The following SOHLH2 variants were observed in gnomAD, a reference collection of about 807,000 sequenced individuals.
The protein encoded by SOHLH2 is spermatogenesis and oogenesis specific basic helix-loop-helix 2, also known as spermatogenesis- and oogenesis-specific basic helix-loop-helix-containing protein 2.
Under a neutral mutation model 50.4 loss-of-function variants are expected in SOHLH2, and 22 were observed. The ratio of observed to expected loss-of-function variants is 0.44; its 90% CI spans 0.31 to 0.62. The LOEUF is 0.62. Among genes scored for constraint, SOHLH2 ranks in the 20% least tolerant of loss-of-function variants. The probability of loss-of-function intolerance (pLI) is 0.08; values close to 1 mark genes in which losing one functional copy is unlikely to be tolerated. For missense variants in SOHLH2, 412 were observed against 504.4 expected (o/e 0.82, Z 1.76); for synonymous variants, 185 against 187.3 (o/e 0.99, Z 0.10).
chr13:36,198,376 G>C (rs1348131133), intron 2 of SOHLH2, among the ~76,000 whole-genome samples: 2 of 152,150 alleles, frequency 1.3e-5, no homozygotes, highest in Admixed American at 6.5e-5. Flanking sequence ...TCTGCCCTTT[G>C]AGTATCCTCA....
At chr13:36,212,095 A>T (rs563909443) in intron 1 of SOHLH2, among the ~76,000 whole-genome samples, 28 of 152,178 alleles carry the variant, frequency 1.8e-4, no homozygotes, top group Non-Finnish European at 2.9e-4. Flanking sequence ...AAGAGTTATG[A>T]AGGGCAGAAC....
At chr13:36,201,335 C>A (rs946855453) in intron 2 of SOHLH2, among the ~76,000 whole-genome samples, 2 of 152,110 alleles carry the variant, frequency 1.3e-5, no homozygotes, top group Non-Finnish European at 2.9e-5. Context: ...GCATTGCATA[C>A]TAAATAAATT....
chr13:36,182,139 C>G (rs1887274309), intron 6 of SOHLH2: 2 of 985,280 alleles, frequency 2.0e-6, no homozygotes, highest in Non-Finnish European at 2.4e-6. Flanking sequence ...ACTTTATGTC[C>G]CTTTGATTGT....
At chr13:36,186,546 G>A (rs1014117138) in intron 6 of SOHLH2, among the ~76,000 whole-genome samples, 11 of 152,064 alleles carry the variant, frequency 7.2e-5, no homozygotes, top group African/African-American at 2.7e-4. Context: ...GTCTTCATTT[G>A]TGGGACACTA....
At chr13:36,173,653 G>A (rs1468720716) in intron 9 of SOHLH2, 39 bp downstream of exon 9, 2 of 1,610,216 alleles carry the variant, frequency 1.2e-6, no homozygotes, top group South Asian at 1.1e-5. Flanking sequence ...GGCAGGGCAG[G>A]TCCCCCTCTA....
chr13:36,177,341 G>A (rs1211113562), intron 6 of SOHLH2, among the ~76,000 whole-genome samples: 3 of 152,022 alleles, frequency 2.0e-5, no homozygotes, highest in African/African-American at 7.2e-5. Context: ...GAACACTTGG[G>A]CTGTTACCAG....
At chr13:36,198,022 T>C (rs1433115548) in intron 2 of SOHLH2, among the ~76,000 whole-genome samples, 2 of 152,252 alleles carry the variant, frequency 1.3e-5, no homozygotes, top group African/African-American at 2.4e-5. Flanking sequence ...AAGTCAAGGA[T>C]GTCTTGGAGA....
At chr13:36,186,118 C>A (rs780976917) in intron 6 of SOHLH2, among the ~76,000 whole-genome samples, 1 of 151,830 alleles carries the variant, frequency 6.6e-6, no homozygotes, top group East Asian at 1.9e-4. Flanking sequence ...ATTATCTACA[C>A]CTTAAGACAA....
At chr13:36,177,076 T>C (rs1887114343) in intron 6 of SOHLH2, among the ~76,000 whole-genome samples, 1 of 152,020 alleles carries the variant, frequency 6.6e-6, no homozygotes. Context: ...GTCAATACCA[T>C]CCCCTAACCC....
In SOHLH2 at chr13:36,168,481, G is replaced by A. The variant is rs1886879800; in HGVS notation, c.*553C>T. ...TTATTCATTAGTTGTCAAGTGAGGA[G>A]GTAAACCCCTCTTTCAGCATCTCTC... On this transcript the variant is annotated 3_prime_UTR_variant, in exon 11 of 11. Transcript: ENST00000379881. 2 of 152,394 alleles carry A rather than the reference G, an allele frequency of 1.3e-5. No homozygotes were observed. Among genetic ancestry groups the A allele is most frequent in the Non-Finnish European group, 2.9e-5 (2 of 68,228 alleles). The allele number at this position is 152,394 out of a possible 1,614,324, so 9.4% of individuals were successfully genotyped here. A position where few individuals can be genotyped will look rare whatever the true frequency, so the allele number is the denominator to read the frequency against.
At chr13:36,214,040 A>ATTTTTTTT (rs774440035) in intron 1 of SOHLH2, among the ~76,000 whole-genome samples, 1 of 139,626 alleles carries the variant, frequency 7.2e-6, no homozygotes. Flanking sequence ...AAGGGCTAAG[A>ATTTTTTTT]TTTTTTTTTT....
intron 6 of SOHLH2, among the ~76,000 whole-genome samples, chr13:36,176,183 G>T (rs535099849): frequency 1.1e-4 from 16 of 152,274 alleles, no homozygotes; most frequent in African/African-American, 3.8e-4. Flanking sequence ...CAAAGTAGAA[G>T]TGAAGCCTAG....
At position 36,168,233 on chromosome 13, in the gene SOHLH2, G is replaced by A. The variant is rs1166940043; in HGVS notation, c.*801C>T. 2 of 152,136 alleles carry A rather than the reference G, an allele frequency of 1.3e-5. No homozygotes were observed. Among genetic ancestry groups the A allele is most frequent in the African/African-American group, 2.4e-5 (1 of 41,446 alleles). The allele number at this position is 152,136 out of a possible 1,614,324, so 9.4% of individuals were successfully genotyped here. ...TTACAATGCTCAGGGTGAAAACTGA[G>A]TATTTTATTTAATAATAAAACTTAC... On this transcript the variant is annotated 3_prime_UTR_variant, in exon 11 of 11. Coordinates refer to ENST00000379881, the MANE Select transcript of SOHLH2 (RefSeq NM_017826.3).
intron 6 of SOHLH2, among the ~76,000 whole-genome samples, chr13:36,180,130 T>G (rs1887209083): frequency 6.6e-6 from 1 of 152,234 alleles, no homozygotes; most frequent in African/African-American, 2.4e-5. Flanking sequence ...AATTGTGATT[T>G]TCAAGAATTT....
intron 9 of SOHLH2, among the ~76,000 whole-genome samples, chr13:36,171,300 A>G (rs1322450896): frequency 6.6e-6 from 1 of 152,192 alleles, no homozygotes; most frequent in East Asian, 1.9e-4. Flanking sequence ...TTAAATACAA[A>G]TGTATCTGAA....
chr13:36,197,027 C>T (rs994088880), intron 2 of SOHLH2, among the ~76,000 whole-genome samples: 2 of 152,098 alleles, frequency 1.3e-5, no homozygotes, highest in Non-Finnish European at 2.9e-5. Flanking sequence ...AATGAATATT[C>T]CTTGAAACAA....
At chr13:36,210,242 C>T (rs533794944) in intron 1 of SOHLH2, among the ~76,000 whole-genome samples, 1 of 152,278 alleles carries the variant, frequency 6.6e-6, no homozygotes, top group South Asian at 2.1e-4. Context: ...GAGTTCTGTA[C>T]CCAGCTAATT....
At chr13:36,193,527 T>A (rs1254389206) in intron 4 of SOHLH2, 94 bp downstream of exon 4, 1 of 1,329,360 alleles carries the variant, frequency 7.5e-7, no homozygotes, top group African/African-American at 1.5e-5. Flanking sequence ...TTTCTCCCTT[T>A]ATTTTATTTA....
chr13:36,190,409 A>T (rs1366321746), intron 5 of SOHLH2, among the ~76,000 whole-genome samples: 1 of 152,190 alleles, frequency 6.6e-6, no homozygotes, highest in Non-Finnish European at 1.5e-5. Context: ...CATTACAGGA[A>T]AAAAGCATAA....
Sources: allele counts gnomAD v4.1 joint callset (sites outside exome capture counted in the v4.1 genomes callset), GRCh38; gene constraint gnomAD v4.1.1; transcripts MANE v1.5; gene names NCBI Gene and HGNC (gene_info 2026-07-23, HGNC 2026-07-21).